Variants in CDIN1 observed in about 807,000 individuals in gnomAD.
CDIN1 encodes the protein CDAN1 interacting nuclease 1, also known as CDAN1-interacting nuclease 1.
A neutral mutation model predicts 45.3 loss-of-function variants in CDIN1; 33 were observed. The ratio of observed to expected loss-of-function variants is 0.73; its 90% CI spans 0.55 to 0.97. The LOEUF (loss-of-function observed/expected upper bound fraction) is 0.97. Ranked by LOEUF, CDIN1 falls within the 50% of genes least tolerant of loss-of-function variation. The probability of loss-of-function intolerance (pLI) is 0.00; values close to 1 mark genes in which losing one functional copy is unlikely to be tolerated. For synonymous variants in CDIN1, 118 were observed against 124.4 expected, an observed-to-expected ratio of 0.95 and a Z score of 0.34; for missense variants, 303 against 339.4, an observed-to-expected ratio of 0.89 and a Z score of 0.84.
chr15:36,644,333 T>G lies in CDIN1; in HGVS notation c.147+10T>G. 2 of 1,612,644 alleles carry G rather than the reference T, an allele frequency of 1.2e-6. No individual in the cohort carries two copies. The highest frequency in any genetic ancestry group is 2.7e-5 in the African/African-American group (2 of 74,938). ...CTCCCAGGAGTACCAGGTTAGAAGT[T>G]TTCTCCTTTGTGAGGGTTGACAGGT... On this transcript the variant is annotated intron_variant, in intron 2 of 10. Transcript: ENST00000566621.
intron 3 of CDIN1, among the ~76,000 whole-genome samples, chr15:36,652,882 A>C (rs1595425727): frequency 6.6e-6 from 1 of 152,222 alleles, no homozygotes; most frequent in South Asian, 2.1e-4. Context: ...ACTGTCAGAC[A>C]AATACCCAGA....
intron 5 of CDIN1, among the ~76,000 whole-genome samples, chr15:36,681,396 G>A (rs1273848886): frequency 2.0e-5 from 3 of 151,980 alleles, no homozygotes; most frequent in African/African-American, 7.3e-5. Context: ...ATGAAGAGAG[G>A]GGAAATACAA....
intron 10 of CDIN1, among the ~76,000 whole-genome samples, chr15:36,780,600 T>C (rs1002687813): frequency 1.3e-5 from 2 of 152,196 alleles, no homozygotes; most frequent in African/African-American, 4.8e-5. Flanking sequence ...CTTGAAGAGT[T>C]AGGTAACCTC....
chr15:36,782,567 A>AAAGGGC (rs2054379698), intron 10 of CDIN1, among the ~76,000 whole-genome samples: 1 of 152,220 alleles, frequency 6.6e-6, no homozygotes, highest in Non-Finnish European at 1.5e-5. Flanking sequence ...AGAGAAAGAG[A>AAAGGGC]AAGAGCTTAC....
At chr15:36,679,005 A>T (rs1050027452) in intron 5 of CDIN1, among the ~76,000 whole-genome samples, 3 of 152,226 alleles carry the variant, frequency 2.0e-5, no homozygotes, top group Non-Finnish European at 4.4e-5. Flanking sequence ...AGCTGGGGGA[A>T]AATTCTTCTA....
chr15:36,652,441 A>C (rs1475885054), intron 3 of CDIN1, among the ~76,000 whole-genome samples: 1 of 152,198 alleles, frequency 6.6e-6, no homozygotes, highest in East Asian at 1.9e-4. Flanking sequence ...TGGTGGTTAC[A>C]GGCACACAAT....
chr15:36,715,335 A>G (rs1008622281), intron 10 of CDIN1, among the ~76,000 whole-genome samples: 8 of 152,286 alleles, frequency 5.3e-5, no homozygotes, highest in South Asian at 2.1e-4. Flanking sequence ...TATTTACTCA[A>G]TGGTCTGGCA....
intron 1 of CDIN1, chr15:36,619,077 T>G: frequency 8.4e-7 from 1 of 1,183,682 alleles, no homozygotes; most frequent in Non-Finnish European, 1.2e-6. Flanking sequence ...AGAAGTCCCT[T>G]GAGAAACCAA....
rs759187567 is a variant in CDIN1 at position 36,697,303 on chromosome 15, C to G, written c.477-20C>G. The G allele has an allele frequency of 8.7e-6, 14 of 1,611,306 alleles. No individual in the cohort carries two copies. Among genetic ancestry groups the G allele is most frequent in the Non-Finnish European group, 1.1e-5 (13 of 1,178,324 alleles). On this transcript the variant is annotated intron_variant, in intron 7 of 10. Coordinates refer to ENST00000566621, the MANE Select transcript of CDIN1 (RefSeq NM_001321759.2). ...TGGTATAATTCTGCCTGTGTTACCC[C>G]CTTAACTGAAACTTCCCAGTGCCAT...
chr15:36,594,785 G>T, intron 1 of CDIN1: 1 of 399,516 alleles, frequency 2.5e-6, no homozygotes, highest in Non-Finnish European at 3.4e-6. Flanking sequence ...GTGCCTATGT[G>T]GCTATTGGCT....
intron 10 of CDIN1, among the ~76,000 whole-genome samples, chr15:36,734,198 T>G (rs924503115): frequency 6.6e-6 from 1 of 152,138 alleles, no homozygotes; most frequent in Non-Finnish European, 1.5e-5. Context: ...ACATCTATAG[T>G]AGTCTTCCCC....
intron 10 of CDIN1, among the ~76,000 whole-genome samples, chr15:36,762,955 G>A (rs1435050707): frequency 2.6e-5 from 4 of 152,012 alleles, no homozygotes; most frequent in African/African-American, 7.2e-5. Flanking sequence ...ATAAACATAC[G>A]TGTGCATGTG....
At chr15:36,743,406 T>G (rs10450966) in intron 10 of CDIN1, among the ~76,000 whole-genome samples, 1 of 152,140 alleles carries the variant, frequency 6.6e-6, no homozygotes, top group African/African-American at 2.4e-5. Context: ...TATTCTGTGT[T>G]CTGCAACATC....
intron 10 of CDIN1, among the ~76,000 whole-genome samples, chr15:36,781,172 A>G (rs1414422036): frequency 1.3e-5 from 2 of 152,218 alleles, no homozygotes; most frequent in South Asian, 2.1e-4. Context: ...CATGTGTTAC[A>G]TTGGGCTTAC....
chr15:36,581,056 G>A (rs1446899689), intron 1 of CDIN1, among the ~76,000 whole-genome samples: 1 of 152,176 alleles, frequency 6.6e-6, no homozygotes, highest in Non-Finnish European at 1.5e-5. Context: ...ATCCAGATTT[G>A]ATTTAGGGCA....
At chr15:36,807,419 A>G (rs976540747) in intron 10 of CDIN1, among the ~76,000 whole-genome samples, 67 of 152,154 alleles carry the variant, frequency 4.4e-4, no homozygotes, top group African/African-American at 1.4e-3. Context: ...CCTTTAATTA[A>G]GTGCCCTCGG....
At chr15:36,623,261 AG>A (rs760324713) in intron 1 of CDIN1, among the ~76,000 whole-genome samples, 8 of 152,246 alleles carry the variant, frequency 5.3e-5, no homozygotes, top group Non-Finnish European at 7.3e-5. Flanking sequence ...CAGAAAAAAA[AG>A]GATGAAGAAA....
chr15:36,608,604 C>T (rs980711946), intron 1 of CDIN1, among the ~76,000 whole-genome samples: 3 of 151,772 alleles, frequency 2.0e-5, no homozygotes, highest in East Asian at 3.9e-4. Flanking sequence ...TTTTTCTAGT[C>T]TGTTGGTTCT....
rs1016380792 is a variant in CDIN1 at position 36,686,365 on chromosome 15, A to G, written c.347-5320A>G. Among the ~76,000 whole-genome samples, 6 of 136,510 alleles carry G rather than the reference A, an allele frequency of 4.4e-5. 1 individual carries two copies. Among genetic ancestry groups the G allele is most frequent in the Middle Eastern group, 7.7e-3 (2 of 260 alleles). 89.6% of individuals were successfully genotyped at this position (136,510 alleles called of 152,430 possible). A position where few individuals can be genotyped will look rare whatever the true frequency, so the allele number is the denominator to read the frequency against. Reference sequence around the variant, plus strand: ...CATAGGTGGGAATTGAGCAATGAGAACACATGGACACAGGAAGGGGAACAT... The same window carrying G: ...CATAGGTGGGAATTGAGCAATGAGAGCACATGGACACAGGAAGGGGAACAT... On this transcript the variant is annotated intron_variant, in intron 5 of 10. Transcript: ENST00000566621.
Sources: allele counts gnomAD v4.1 joint callset (sites outside exome capture counted in the v4.1 genomes callset), GRCh38; gene constraint gnomAD v4.1.1; transcripts MANE v1.5; gene names NCBI Gene and HGNC (gene_info 2026-07-23, HGNC 2026-07-21).